TTC7A: variants seen among roughly 807,000 people sequenced by gnomAD.
TTC7A encodes tetratricopeptide repeat domain 7A.
Under a neutral mutation model 103.7 loss-of-function variants are expected in TTC7A, and 110 were observed. The ratio of observed to expected loss-of-function variants is 1.06; its 90% CI spans 0.91 to 1.24. The LOEUF (loss-of-function observed/expected upper bound fraction) is 1.24. Ranked by LOEUF, TTC7A falls within the 50% of genes most tolerant of loss-of-function variation. TTC7A has a pLI of 0.00. For synonymous variants in TTC7A, 521 were observed against 467.9 expected (o/e 1.11, Z -1.47); for missense variants, 1,340 against 1,116.3 (o/e 1.20, Z -2.86).
intron 2 of TTC7A, among the ~76,000 whole-genome samples, chr2:46,920,840 A>G (rs1369540637): frequency 6.6e-6 from 1 of 152,114 alleles, no homozygotes; most frequent in African/African-American, 2.4e-5. Flanking sequence ...TCACATTAAA[A>G]TGAAAATGTG....
chr2:47,054,857 G>A (rs901707315), intron 18 of TTC7A, among the ~76,000 whole-genome samples: 1 of 150,066 alleles, frequency 6.7e-6, no homozygotes, highest in Non-Finnish European at 1.5e-5. Flanking sequence ...AAAAGTCAGG[G>A]GATCTATCCT....
chr2:47,022,468 G>T (rs1042693219), intron 12 of TTC7A, among the ~76,000 whole-genome samples: 1 of 152,150 alleles, frequency 6.6e-6, no homozygotes, highest in Non-Finnish European at 1.5e-5. Flanking sequence ...ACTTGTGCTC[G>T]GCTAATGGAT....
At chr2:46,954,813 T>C (rs1671708645) in intron 2 of TTC7A, among the ~76,000 whole-genome samples, 1 of 152,176 alleles carries the variant, frequency 6.6e-6, no homozygotes, top group Admixed American at 6.5e-5. Flanking sequence ...TTAGGTGATC[T>C]GCCTGCCTCG....
At chr2:46,921,871 T>C (rs1031058543) in intron 2 of TTC7A, among the ~76,000 whole-genome samples, 10 of 151,014 alleles carry the variant, frequency 6.6e-5, no homozygotes, top group Non-Finnish European at 1.5e-4. Context: ...ACCGCTGATC[T>C]GACACTGACA....
chr2:47,047,637 G>A (rs1324743310), intron 16 of TTC7A, among the ~76,000 whole-genome samples: 2 of 152,220 alleles, frequency 1.3e-5, no homozygotes, highest in African/African-American at 2.4e-5. Context: ...AGAGCTGGCC[G>A]CTCTGTTCCT....
At chr2:46,998,536 T>A (rs763332840) in intron 8 of TTC7A, among the ~76,000 whole-genome samples, 10 of 152,210 alleles carry the variant, frequency 6.6e-5, no homozygotes, top group African/African-American at 2.4e-5. Context: ...CGCTTTGATG[T>A]TGGCTGGGTT....
chr2:46,958,691 C>G, intron 3 of TTC7A: 2 of 490,128 alleles, frequency 4.1e-6, no homozygotes, highest in Non-Finnish European at 6.8e-6. Flanking sequence ...GCAGTGACCA[C>G]GCCTGCTGCC....
At position 47,021,989 on chromosome 2, in the gene TTC7A, A is replaced by G. The variant is rs769710597; in HGVS notation, c.1510+10A>G. Reference sequence around the variant, plus strand: ...CTGCAGGCCACCGACGGTGAGTGCCAGGCCCCAGGAGGCCTCTACTTGGGG... The same window carrying G: ...CTGCAGGCCACCGACGGTGAGTGCCGGGCCCCAGGAGGCCTCTACTTGGGG... On this transcript the variant is annotated intron_variant, in intron 12 of 19. Coordinates refer to ENST00000319190, the MANE Select transcript of TTC7A (RefSeq NM_020458.4). 237 of 1,585,490 alleles carry G rather than the reference A, an allele frequency of 1.5e-4. No homozygotes were observed. The highest frequency in any genetic ancestry group is 2.0e-4 in the Non-Finnish European group (226 of 1,156,798).
chr2:47,026,636 A>G (rs938692665), intron 14 of TTC7A, among the ~76,000 whole-genome samples: 1 of 151,992 alleles, frequency 6.6e-6, no homozygotes, highest in Admixed American at 6.6e-5. Context: ...CAGGCCTGAG[A>G]GCACGTGCCT....
In TTC7A at chr2:47,050,002, G is replaced by A. The variant is rs1305406838; in HGVS notation, c.1973G>A (p.Ser658Asn). Reference protein sequence around the residue: ...FGEGLTMKKQSGMHLTLPDAH... With the variant: ...FGEGLTMKKQNGMHLTLPDAH... ...GAGGGCCTCACCATGAAGAAGCAGA[G>A]TGGCATGCACCTGACTTTGCCTGAT... The change falls in exon 17 of 20, where the codon AGT (serine) becomes AAT (asparagine). Residue 658 changes from serine to asparagine, a missense_variant. Transcript: ENST00000319190. The A allele has an allele frequency of 6.2e-7, 1 of 1,614,044 alleles. No individual in the cohort carries two copies. Among genetic ancestry groups the A allele is most frequent in the Non-Finnish European group, 8.5e-7 (1 of 1,180,040 alleles).
chr2:47,031,100 T>C (rs540890707), intron 15 of TTC7A, among the ~76,000 whole-genome samples: 195 of 152,104 alleles, frequency 1.3e-3, no homozygotes, highest in Non-Finnish European at 1.0e-3. Flanking sequence ...TGAGCCGAGA[T>C]TGCGCCACTG....
At chr2:47,026,802 A>G (rs1279781125) in intron 14 of TTC7A, among the ~76,000 whole-genome samples, 2 of 152,172 alleles carry the variant, frequency 1.3e-5, no homozygotes, top group African/African-American at 2.4e-5. Flanking sequence ...AGGTTTAACC[A>G]TTATCCTCGT....
chr2:46,980,670 G>A (rs1236013451), intron 5 of TTC7A, among the ~76,000 whole-genome samples: 3 of 152,200 alleles, frequency 2.0e-5, no homozygotes, highest in African/African-American at 7.2e-5. Context: ...GCTGGGGCAG[G>A]GGAAATGGAA....
At chr2:46,948,341 T>C (rs567185216) in intron 1 of TTC7A, among the ~76,000 whole-genome samples, 1 of 152,308 alleles carries the variant, frequency 6.6e-6, no homozygotes, top group Non-Finnish European at 1.5e-5. Context: ...ACTGGATCTA[T>C]GGGGATGTTC....
rs1673743773 is a variant in TTC7A, at chr2:46,975,105, T to C, written c.648+2T>C. On this transcript the variant is annotated splice_donor_variant, in intron 4 of 19. Transcript: ENST00000319190. LOFTEE classifies it high-confidence loss of function. ...GTGTTCCTGCAGGAATTGGAGAAGG[T>C]GAGCTGGAAATAACACCGTGGTAGG... is the stretch of plus-strand genomic sequence containing the variant. 1 of 1,613,138 alleles carries C rather than the reference T, an allele frequency of 6.2e-7. No homozygotes were observed. Among genetic ancestry groups the C allele is most frequent in the African/African-American group, 1.3e-5 (1 of 74,866 alleles).
upstream of TTC7A, among the ~76,000 whole-genome samples, chr2:46,939,258 G>A (rs1440493892): frequency 1.3e-5 from 2 of 151,874 alleles, no homozygotes; most frequent in Non-Finnish European, 1.5e-5. Flanking sequence ...AAGTCACTAA[G>A]GAAGGAATAA....
At chr2:46,937,065 AG>A (rs1387860024), upstream of TTC7A, among the ~76,000 whole-genome samples, 1 of 152,018 alleles carries the variant, frequency 6.6e-6, no homozygotes, top group Non-Finnish European at 1.5e-5. This position sits in a 1 kb window ranked among gnomAD's most constrained non-coding sequence, Gnocchi z 4.0. Flanking sequence ...CATATTGCCC[AG>A]GCTCGTCTCG....
chr2:46,987,024 A>G (rs1442217644), intron 5 of TTC7A, among the ~76,000 whole-genome samples: 3 of 152,160 alleles, frequency 2.0e-5, no homozygotes, highest in Non-Finnish European at 4.4e-5. Context: ...ATTCCCCCAG[A>G]TGGCTCTTGC....
chr2:46,994,470 C>T lies in TTC7A; in HGVS notation c.957C>T (p.Phe319=), dbSNP rs750924480. ...TCATGGGCAAGGAGGAGAGTTCTTTCGCCACTCAGGCCCTGCGGAAACCTC... is the reference window on the plus strand; with the variant it reads ...TCATGGGCAAGGAGGAGAGTTCTTTTGCCACTCAGGCCCTGCGGAAACCTC... ...PEFMGKEESS[F]ATQALRKPHL... is the part of the protein sequence containing the mutation. Residue 319 remains phenylalanine, a synonymous_variant, in exon 7 of 20, where the codon TTC becomes TTT. Coordinates refer to ENST00000319190, the MANE Select transcript of TTC7A (RefSeq NM_020458.4). The T allele has an allele frequency of 2.4e-5, 38 of 1,613,962 alleles. No individual in the cohort carries two copies. Among genetic ancestry groups the T allele is most frequent in the South Asian group, 1.8e-4 (16 of 91,088 alleles).
Sources: gnomAD v4.1 joint callset for allele counts (sites outside exome capture counted in the v4.1 genomes callset) on GRCh38, gnomAD v4.1.1 for gene constraint, Gnocchi (gnomAD v3.1) non-coding constraint, MANE v1.5 for transcripts, NCBI Gene and HGNC (gene_info 2026-07-23, HGNC 2026-07-21) for gene names.